Variants in TMEM106B observed in about 807,000 individuals in gnomAD.
TMEM106B encodes the protein transmembrane protein 106B.
In TMEM106B, 15 loss-of-function variants were observed where a neutral mutation model predicts 31.1. The observed-to-expected ratio is 0.48, with a 90% CI of 0.32 to 0.74. The LOEUF (loss-of-function observed/expected upper bound fraction) is 0.74. Among genes scored for constraint, TMEM106B ranks in the 30% least tolerant of loss-of-function variants. The pLI is 0.03. For missense variants in TMEM106B, 283 were observed against 327.3 expected (o/e 0.86, Z 1.04); for synonymous variants, 126 against 112.5 (o/e 1.12, Z -0.76).
At chr7:12,227,364 G>C (rs1781921038) in intron 4 of TMEM106B, among the ~76,000 whole-genome samples, 1 of 151,948 alleles carries the variant, frequency 6.6e-6, no homozygotes, top group African/African-American at 2.4e-5. Flanking sequence ...AATGTATAAA[G>C]ATTTTTACTT....
rs538231522 is a variant in TMEM106B at position 12,224,137 on chromosome 7, A to G, written c.282-89A>G. On this transcript the variant is annotated intron_variant, in intron 3 of 7. Transcript: ENST00000396668. Reference sequence around the variant, plus strand: ...GCATCTTATATATGTTGCTGCTGATATATGGGGGAAATTGAACATACCTTC... The same window carrying G: ...GCATCTTATATATGTTGCTGCTGATGTATGGGGGAAATTGAACATACCTTC... 303 of 1,205,118 alleles carry G rather than the reference A, an allele frequency of 2.5e-4. 1 individual carries two copies. The African/African-American group carries it at 4.1e-3, about 16-fold the overall frequency. 74.7% of individuals were successfully genotyped at this position (1,205,118 alleles called of 1,614,324 possible).
rs1554310866 is a variant in TMEM106B at position 12,233,235 on chromosome 7, A to AC, written c.*1260_*1261insC. 6 of 87,216 alleles carry AC rather than the reference A, an allele frequency of 6.9e-5. No homozygotes were observed. The highest frequency in any genetic ancestry group is 1.3e-4 in the Non-Finnish European group (6 of 45,570). The allele number at this position is 87,216 out of a possible 1,614,324, so 5.4% of individuals were successfully genotyped here. A position where few individuals can be genotyped will look rare whatever the true frequency, so the allele number is the denominator to read the frequency against. ...TTTTATATTTTCAGTATCATTTTTC[A>AC]TTTTTTTTTTTTTTTGTCTTTTCAC... On this transcript the variant is annotated 3_prime_UTR_variant, in exon 8 of 8. Transcript: ENST00000396668.
chr7:12,218,673 C>CAAAA, intron 3 of TMEM106B, 152 bp downstream of exon 3: 1 of 652,214 alleles, frequency 1.5e-6, no homozygotes, highest in Non-Finnish European at 2.5e-6. Context: ...TATCCTTAAA[C>CAAAA]AGACAAGAAA....
At chr7:12,212,843 A>G (rs924889240) in intron 1 of TMEM106B, among the ~76,000 whole-genome samples, 5 of 152,212 alleles carry the variant, frequency 3.3e-5, no homozygotes, top group African/African-American at 1.2e-4. Flanking sequence ...TGTTTTGTTT[A>G]ATCAAATAAG....
chr7:12,230,460 C>G, intron 6 of TMEM106B, 22 bp downstream of exon 6: 2 of 1,446,016 alleles, frequency 1.4e-6, no homozygotes, highest in Admixed American at 1.8e-5. Flanking sequence ...TTTATAATAA[C>G]TTTTTATTGT....
rs1320938810 is a variant in TMEM106B at position 12,231,971 on chromosome 7, A to G, written c.821A>G (p.Gln274Arg). 1 of 1,610,210 alleles carries G rather than the reference A, an allele frequency of 6.2e-7. No individual in the cohort carries two copies. The highest frequency in any genetic ancestry group is 8.5e-7 in the Non-Finnish European group (1 of 1,177,460). Residue 274 changes from glutamine (Q) to arginine (R), a missense_variant, in exon 8 of 8, where the codon CAG becomes CGG. Physicochemically the swap from Gln to Arg is conservative, Grantham distance 43 (BLOSUM62 1). Around this residue, in one of 3 missense-constraint regions of TMEM106B, gnomAD observed 201 missense variants for 211.5 expected, o/e 0.95. Coordinates refer to ENST00000396668, the MANE Select transcript of TMEM106B (RefSeq NM_001134232.2). ...TATTTAAATGTACTTCAGCCACAAC[A>G]GTAAAAACTGGAAGAGATGGATTTA... ...SEYLNVLQPQ[Q>R] is the part of the protein sequence containing the mutation.
intron 3 of TMEM106B, among the ~76,000 whole-genome samples, chr7:12,220,503 A>G (rs1781766726): frequency 6.6e-6 from 1 of 152,196 alleles, no homozygotes; most frequent in South Asian, 2.1e-4. Context: ...AAGAAATGCA[A>G]ATGACCTTTA....
In TMEM106B at chr7:12,238,238, C is replaced by T. The variant is rs1192288314; in HGVS notation, c.*6263C>T. 1.2e-5 allele frequency: 2 copies of T among 168,930 alleles called. No individual in the cohort carries two copies. The highest frequency in any genetic ancestry group is 2.4e-5 in the Non-Finnish European group (2 of 81,896). 10.5% of individuals were successfully genotyped at this position (168,930 alleles called of 1,614,324 possible). ...AGGAGTAGATTCCAACTCAAGAAACCACTTTCTTAGCTCATTCATAAGAAA... is the reference window on the plus strand; with the variant it reads ...AGGAGTAGATTCCAACTCAAGAAACTACTTTCTTAGCTCATTCATAAGAAA... On this transcript the variant is annotated 3_prime_UTR_variant, in exon 8 of 8. Coordinates refer to ENST00000396668, the MANE Select transcript of TMEM106B (RefSeq NM_001134232.2).
chr7:12,226,796 G>A (rs941763969), intron 4 of TMEM106B, among the ~76,000 whole-genome samples: 6 of 152,012 alleles, frequency 3.9e-5, no homozygotes, highest in African/African-American at 1.4e-4. Flanking sequence ...GAAAATATAC[G>A]TATATGTGAA....
chr7:12,228,648 G>A (rs1229541762), intron 4 of TMEM106B, among the ~76,000 whole-genome samples: 1 of 151,796 alleles, frequency 6.6e-6, no homozygotes, highest in African/African-American at 2.4e-5. Flanking sequence ...CCCGATCAAA[G>A]TCTATACATA....
At chr7:12,226,362 C>T (rs6966915) in intron 4 of TMEM106B, among the ~76,000 whole-genome samples, 76,297 of 151,932 alleles carry the variant, frequency 0.5, 20,207 homozygotes, top group African/African-American at 0.65. Flanking sequence ...TTGAAAGGAC[C>T]GTGTAGCCTT....
intron 5 of TMEM106B, 44 bp from the exon 6 acceptor site, chr7:12,230,345 G>A: frequency 1.4e-6 from 2 of 1,386,090 alleles, no homozygotes; most frequent in Admixed American, 1.7e-5. Context: ...AATGTTTGAT[G>A]TTTTGATCTT....
chr7:12,220,154 G>T (rs975713243), intron 3 of TMEM106B, among the ~76,000 whole-genome samples: 1 of 151,990 alleles, frequency 6.6e-6, no homozygotes, highest in Non-Finnish European at 1.5e-5. Context: ...AACAAACCAA[G>T]GATTTTATAA....
intron 4 of TMEM106B, among the ~76,000 whole-genome samples, chr7:12,225,227 A>G (rs1178119852): frequency 6.6e-6 from 1 of 152,176 alleles, no homozygotes; most frequent in Admixed American, 6.5e-5. Flanking sequence ...ATAGTATTCC[A>G]TGGTGTATAT....
At chr7:12,221,132 T>C (rs1781777717) in intron 3 of TMEM106B, among the ~76,000 whole-genome samples, 1 of 149,260 alleles carries the variant, frequency 6.7e-6, no homozygotes, top group South Asian at 2.1e-4. Context: ...GTACATTTTT[T>C]TTACATAACT....
chr7:12,218,398 G>A, intron 2 of TMEM106B, 60 bp from the exon 3 acceptor site: 1 of 1,399,246 alleles, frequency 7.1e-7, no homozygotes, highest in Non-Finnish European at 1.0e-6. Context: ...ATTGTGATGG[G>A]GAGCCATTAT....
At chr7:12,224,125 G>T in intron 3 of TMEM106B, 101 bp from the exon 4 acceptor site, 2 of 1,080,898 alleles carry the variant, frequency 1.9e-6, no homozygotes, top group Admixed American at 4.0e-5. Flanking sequence ...TCTTATATAT[G>T]TTGCTGCTGA....
intron 6 of TMEM106B, 183 bp from the exon 7 acceptor site, chr7:12,230,879 C>T: frequency 2.1e-6 from 1 of 483,194 alleles, no homozygotes; most frequent in South Asian, 3.7e-5. Context: ...GGCATGAATA[C>T]ATACATGTTT....
At position 12,238,587 on chromosome 7, in the gene TMEM106B, A is replaced by G. The variant is rs957218433; in HGVS notation, c.*6612A>G. The G allele has an allele frequency of 2.0e-5, 3 of 152,194 alleles. No homozygotes were observed. The highest frequency in any genetic ancestry group is 4.4e-5 in the Non-Finnish European group (3 of 68,054). The allele number at this position is 152,194 out of a possible 1,614,324, so 9.4% of individuals were successfully genotyped here. ...CTACCTATGACAGCTATGGTCTTAC[A>G]AAATGTATTTCTTATATAGTAAGAT... On this transcript the variant is annotated 3_prime_UTR_variant, in exon 8 of 8. Transcript: ENST00000396668.
Sources: gnomAD v4.1 joint callset for allele counts (sites outside exome capture counted in the v4.1 genomes callset) on GRCh38, gnomAD v4.1.1 for gene constraint, gnomAD v4.1.1 regional missense constraint, MANE v1.5 for transcripts, NCBI Gene and HGNC (gene_info 2026-07-23, HGNC 2026-07-21) for gene names.